SYNE1: variants seen among roughly 807,000 people sequenced by gnomAD.
SYNE1 encodes the protein spectrin repeat containing nuclear envelope protein 1, also known as nesprin-1.
A neutral mutation model predicts 1,111.0 loss-of-function variants in SYNE1; 616 were observed. That is an observed-to-expected ratio of 0.55 (90% CI 0.52 to 0.59). The LOEUF (loss-of-function observed/expected upper bound fraction) is 0.59, where lower values mean the gene tolerates loss of function less well. Ranked by LOEUF, SYNE1 falls within the 20% of genes least tolerant of loss-of-function variation. The pLI is 0.00. For missense variants in SYNE1, 10,006 were observed against 10,417.0 expected, an observed-to-expected ratio of 0.96 and a Z score of 1.72; for synonymous variants, 3,855 against 3,825.8, an observed-to-expected ratio of 1.01 and a Z score of -0.28.
At chr6:152,603,410 G>A (rs752868360) in intron 3 of SYNE1, among the ~76,000 whole-genome samples, 4 of 152,086 alleles carry the variant, frequency 2.6e-5, no homozygotes, top group Non-Finnish European at 5.9e-5. Context: ...AAACGAAAAT[G>A]CTATGGACTG....
rs2099040579 is a variant in SYNE1 at position 152,503,365 on chromosome 6, C to T, written c.779-623G>A. ...AATCAAGCACTCTTCGAGGGAAACT[C>T]TTCGAGGGCCTGAGAAGCCCTCAAT... On this transcript the variant is annotated intron_variant, in intron 9 of 145. Transcript: ENST00000367255. Among the ~76,000 whole-genome samples, 4 of 152,326 alleles carry T rather than the reference C, an allele frequency of 2.6e-5. No homozygotes were observed. In the South Asian group the frequency reaches 8.3e-4, roughly 32 times the overall value.
intron 4 of SYNE1, among the ~76,000 whole-genome samples, chr6:152,528,042 A>T (rs1323277561): frequency 2.0e-5 from 3 of 152,098 alleles, no homozygotes; most frequent in Non-Finnish European, 4.4e-5. Context: ...TGCATGGGAC[A>T]TTGCCAATAC....
chr6:152,503,657 G>T (rs1246135141), intron 9 of SYNE1, among the ~76,000 whole-genome samples: 1 of 152,104 alleles, frequency 6.6e-6, no homozygotes, highest in African/African-American at 2.4e-5. Context: ...TTGATTAGAG[G>T]TATAATTTCT....
intron 44 of SYNE1, among the ~76,000 whole-genome samples, chr6:152,407,419 T>C (rs371941971): frequency 2.4e-4 from 37 of 152,340 alleles, no homozygotes; most frequent in African/African-American, 8.9e-4. Flanking sequence ...TCTGAGACAT[T>C]GCATTTTCAT....
chr6:152,477,841 CT>C (rs1163592946), intron 14 of SYNE1, among the ~76,000 whole-genome samples: 1 of 152,200 alleles, frequency 6.6e-6, no homozygotes, highest in Non-Finnish European at 1.5e-5. Context: ...AGCTTACCCA[CT>C]GCAGCCTTTA....
intron 108 of SYNE1, 79 bp downstream of exon 108, chr6:152,239,454 G>A: frequency 1.3e-6 from 2 of 1,566,632 alleles, no homozygotes; most frequent in Non-Finnish European, 1.8e-6. Context: ...AAACTGCATG[G>A]ATAGATACAT....
chr6:152,241,328 A>C (rs2085586845), intron 107 of SYNE1, among the ~76,000 whole-genome samples: 1 of 152,134 alleles, frequency 6.6e-6, no homozygotes, highest in African/African-American at 2.4e-5. Flanking sequence ...AAAAAGACAA[A>C]AAAAACCCAC....
At chr6:152,368,719 A>G in intron 61 of SYNE1, 1 of 509,166 alleles carries the variant, frequency 2.0e-6, no homozygotes, top group Non-Finnish European at 3.6e-6. Context: ...CTTGTGCAAT[A>G]ATGAAGACTG....
chr6:152,165,740 A>C (rs1392571763), intron 130 of SYNE1, among the ~76,000 whole-genome samples: 3 of 152,208 alleles, frequency 2.0e-5, no homozygotes, highest in Non-Finnish European at 4.4e-5. Context: ...TTGGCCTTGA[A>C]CACTATTTCC....
At chr6:152,302,455 G>A (rs1394568039) in intron 91 of SYNE1, among the ~76,000 whole-genome samples, 2 of 152,204 alleles carry the variant, frequency 1.3e-5, no homozygotes, top group Non-Finnish European at 2.9e-5. Context: ...TGGAAATTAG[G>A]TCATGTGATG....
chr6:152,122,487 G>A lies in SYNE1; in HGVS notation c.26343C>T (p.Ala8781=). ...ATCTGAGCATGGGGTGGAATGACCG[G>A]GCAAAGTTGTTGGAGAGGGCACAGC... The part of the protein sequence containing the change: ...DYSCALSNNF[A]RSFHPMLRYT... The change falls in exon 146 of 146, where the codon GCC becomes GCT. Residue 8781 remains alanine (A), a synonymous_variant. Transcript: ENST00000367255. 6.2e-7 allele frequency: 1 copy of A among 1,614,170 alleles called. No individual in the cohort carries two copies. Among genetic ancestry groups the A allele is most frequent in the Middle Eastern group, 1.6e-4 (1 of 6,062 alleles).
Position 152,398,796 on chromosome 6 carries a change from G to A in SYNE1, c.7238-65C>T, listed in dbSNP as rs2097772019. 5.6e-6 allele frequency: 7 copies of A among 1,246,800 alleles called. No individual in the cohort carries two copies. In the South Asian group the frequency reaches 6.3e-5, roughly 11 times the overall value. The allele number at this position is 1,246,800 out of a possible 1,614,324, so 77.2% of individuals were successfully genotyped here. On this transcript the variant is annotated intron_variant, in intron 48 of 145. Transcript: ENST00000367255. ...AGAAGCAAATCCAAAACATTGAATG[G>A]GCTCCCAGGATTACCACATGAATTA...
In SYNE1 at chr6:152,330,344, G is replaced by C. The variant is rs750831528; in HGVS notation, c.14341C>G (p.Gln4781Glu). ...TGTTGGCACATCTTCTCGTGTTCTTGGTAAGCACTGGTGGTGTCTTCTAAT... is the reference window on the plus strand; with the variant it reads ...TGTTGGCACATCTTCTCGTGTTCTTCGTAAGCACTGGTGGTGTCTTCTAAT... ...SLLEDTTSAYQEHEKMCQQLE... is the reference protein window; with the variant it reads ...SLLEDTTSAYEEHEKMCQQLE... The change falls in exon 78 of 146, where the codon CAA becomes GAA. Residue 4781 changes from glutamine to glutamate, a missense_variant. Physicochemically the swap from Gln to Glu is conservative, Grantham distance 29. Coordinates refer to ENST00000367255, the MANE Select transcript of SYNE1 (RefSeq NM_182961.4). 21 of 1,613,996 alleles carry C rather than the reference G, an allele frequency of 1.3e-5. No homozygotes were observed. In the Admixed American group the frequency reaches 3.3e-4, roughly 26 times the overall value.
chr6:152,449,700 T>C (rs2098631289), intron 27 of SYNE1, 59 bp from the exon 28 acceptor site: 1 of 1,308,530 alleles, frequency 7.6e-7, no homozygotes, highest in South Asian at 1.2e-5. Flanking sequence ...GATCAGAATA[T>C]GTTTTCTATT....
At position 152,323,538 on chromosome 6, in the gene SYNE1, G is replaced by T; in HGVS notation, c.15857C>A (p.Thr5286Asn). The T allele has an allele frequency of 6.2e-7, 1 of 1,614,236 alleles. No homozygotes were observed. The highest frequency in any genetic ancestry group is 8.5e-7 in the Non-Finnish European group (1 of 1,180,036). The change falls in exon 82 of 146, where the codon ACC becomes AAC. Residue 5286 changes from threonine to asparagine, a missense_variant. Coordinates refer to ENST00000367255, the MANE Select transcript of SYNE1 (RefSeq NM_182961.4). ...CATGAGCGGAGGCTCTTCCCCAGGGGTTGGGGCGGCTCCATCCTGGAGCAT... is the reference window on the plus strand; with the variant it reads ...CATGAGCGGAGGCTCTTCCCCAGGGTTTGGGGCGGCTCCATCCTGGAGCAT... The part of the protein sequence containing the change: ...LSMLQDGAAP[T>N]PGEEPPLMQE...
chr6:152,578,363 G>C (rs1297499211), intron 3 of SYNE1, among the ~76,000 whole-genome samples: 1 of 152,186 alleles, frequency 6.6e-6, no homozygotes, highest in African/African-American at 2.4e-5. Flanking sequence ...GGGAAGCTGA[G>C]GTGGGCAGGT....
At chr6:152,224,412 C>G in intron 117 of SYNE1, 82 bp downstream of exon 117, 1 of 1,206,652 alleles carries the variant, frequency 8.3e-7, no homozygotes, top group East Asian at 2.4e-5. Flanking sequence ...GGCAATATTT[C>G]AGGATGATGT....
chr6:152,450,836 A>G lies in SYNE1; in HGVS notation c.3187-3T>C. The G allele has an allele frequency of 1.9e-6, 3 of 1,613,654 alleles. No individual in the cohort carries two copies. Among genetic ancestry groups the G allele is most frequent in the Non-Finnish European group, 2.5e-6 (3 of 1,179,748 alleles). ...GGACCTTTGTCACTGAAGAAAACCT[A>G]ATGTGTAATAAATGTTTTTATAATC... On this transcript the variant is annotated splice_region_variant and splice_polypyrimidine_tract_variant and intron_variant, in intron 26 of 145. Coordinates refer to ENST00000367255, the MANE Select transcript of SYNE1 (RefSeq NM_182961.4).
rs1475798778 is a variant in SYNE1 at position 152,353,914 on chromosome 6, T to C, written c.10927-170A>G. On this transcript the variant is annotated intron_variant, in intron 67 of 145. Coordinates refer to ENST00000367255, the MANE Select transcript of SYNE1 (RefSeq NM_182961.4). ...CTTCATAAATATTATATTACAACAA[T>C]GTGATACAAACTGTACACTTGAGTT... 2.0e-5 allele frequency among the ~76,000 whole-genome samples: 3 copies of C among 152,224 alleles called. No individual in the cohort carries two copies. In the East Asian group the frequency reaches 5.8e-4, roughly 29 times the overall value.
Sources: gnomAD v4.1 joint callset for allele counts (sites outside exome capture counted in the v4.1 genomes callset) on GRCh38, gnomAD v4.1.1 for gene constraint, MANE v1.5 for transcripts, NCBI Gene and HGNC (gene_info 2026-07-23, HGNC 2026-07-21) for gene names.